The following ACTN4 variants were observed in gnomAD, a reference collection of about 807,000 sequenced individuals.
The protein encoded by ACTN4 is alpha-actinin-4.
ACTN4 carries 18 observed loss-of-function variants against 114.2 expected under a neutral mutation model. The ratio of observed to expected loss-of-function variants is 0.16; its 90% CI spans 0.11 to 0.23. The LOEUF (loss-of-function observed/expected upper bound fraction) is 0.23. Ranked by LOEUF, ACTN4 falls within the 10% of genes least tolerant of loss-of-function variation. The probability of loss-of-function intolerance (pLI) is 1.00; values close to 1 mark genes in which losing one functional copy is unlikely to be tolerated. For synonymous variants in ACTN4, 515 were observed against 506.3 expected (o/e 1.02, Z -0.23); for missense variants, 722 against 1,262.9 (o/e 0.57, Z 6.49).
chr19:38,649,012 G>A (rs923053726), intron 1 of ACTN4, among the ~76,000 whole-genome samples: 1 of 151,820 alleles, frequency 6.6e-6, no homozygotes, highest in African/African-American at 2.4e-5. Flanking sequence ...GCTGGCTCCT[G>A]GAGGTGCAGT....
In ACTN4 at chr19:38,717,543, C is replaced by T. The variant is rs1477623563; in HGVS notation, c.1143+227C>T. Among the ~76,000 whole-genome samples, 1 of 152,168 alleles carries T rather than the reference C, an allele frequency of 6.6e-6. No individual in the cohort carries two copies. The highest frequency in any genetic ancestry group is 1.5e-5 in the Non-Finnish European group (1 of 68,036). ...TACACCCAGGGTTTTATACGCATCC[C>T]AAATCCTTGCCACGGGTTGTGTGGG... On this transcript the variant is annotated intron_variant, in intron 10 of 20. Coordinates refer to ENST00000252699, the MANE Select transcript of ACTN4 (RefSeq NM_004924.6). This position sits in a 1 kb window ranked among gnomAD's most constrained non-coding sequence, Gnocchi z 4.0.
intron 12 of ACTN4, among the ~76,000 whole-genome samples, chr19:38,722,765 T>C (rs1018704693): frequency 1.3e-5 from 2 of 152,134 alleles, no homozygotes; most frequent in Admixed American, 6.5e-5. Context: ...TGGAAGCTGG[T>C]AGGAAACAGA....
chr19:38,712,679 G>A (rs1968697586), intron 8 of ACTN4, among the ~76,000 whole-genome samples: 1 of 152,108 alleles, frequency 6.6e-6, no homozygotes, highest in South Asian at 2.1e-4. Context: ...GGGAGGGTGG[G>A]CAGGGACCAG....
chr19:38,701,794 C>T (rs905909785), intron 3 of ACTN4, among the ~76,000 whole-genome samples: 3 of 152,274 alleles, frequency 2.0e-5, no homozygotes, highest in Admixed American at 2.0e-4. Flanking sequence ...GGAGCCCCAG[C>T]AGCATGAGCT....
At chr19:38,710,059 G>T (rs574704708) in intron 7 of ACTN4, among the ~76,000 whole-genome samples, 198 bp from the exon 8 acceptor site, 1 of 152,030 alleles carries the variant, frequency 6.6e-6, no homozygotes, top group Admixed American at 6.5e-5. Flanking sequence ...ATTTTAATCC[G>T]CTTCCCACAG....
chr19:38,724,454 G>T lies in ACTN4; in HGVS notation c.1899G>T (p.Arg633=), dbSNP rs1870697755. The change falls in exon 16 of 21, where the codon CGG becomes CGT. Residue 633 remains arginine, a synonymous_variant. Coordinates refer to ENST00000252699, the MANE Select transcript of ACTN4 (RefSeq NM_004924.6). This position sits in a 1 kb window ranked among gnomAD's most constrained non-coding sequence, Gnocchi z 7.0. ...WEKVQQLVPK[R]DHALLEEQSK... is the part of the protein sequence containing the mutation. Reference sequence around the variant, plus strand: ...AGGTGCAGCAGCTGGTGCCAAAACGGGACCATGCCCTCCTGGAGGAGCAGA... The same window carrying T: ...AGGTGCAGCAGCTGGTGCCAAAACGTGACCATGCCCTCCTGGAGGAGCAGA... The T allele has an allele frequency of 6.2e-7, 1 of 1,613,430 alleles. No homozygotes were observed. The highest frequency in any genetic ancestry group is 1.1e-5 in the South Asian group (1 of 91,090).
At chr19:38,718,857 T>A (rs1461534487) in intron 11 of ACTN4, among the ~76,000 whole-genome samples, 1 of 152,210 alleles carries the variant, frequency 6.6e-6, no homozygotes, top group Non-Finnish European at 1.5e-5. Context: ...GGAGCCCATG[T>A]TCACTGGCAC....
intron 1 of ACTN4, among the ~76,000 whole-genome samples, chr19:38,671,589 G>T (rs1195874261): frequency 6.6e-6 from 1 of 152,194 alleles, no homozygotes; most frequent in Non-Finnish European, 1.5e-5. Flanking sequence ...GTTTCTTATT[G>T]ATAGGAGAGT....
At chr19:38,698,044 A>T (rs1056294853) in intron 1 of ACTN4, among the ~76,000 whole-genome samples, 3 of 151,868 alleles carry the variant, frequency 2.0e-5, no homozygotes, top group Non-Finnish European at 4.4e-5. Context: ...ATCCAATAAG[A>T]CTAAAAGTGA....
At chr19:38,707,711 G>A (rs1211182520) in intron 5 of ACTN4, among the ~76,000 whole-genome samples, 2 of 152,198 alleles carry the variant, frequency 1.3e-5, no homozygotes, top group South Asian at 2.1e-4. Context: ...CACCTCCCCC[G>A]AAGCGGCCTG....
chr19:38,690,291 C>T (rs1015355172), intron 1 of ACTN4, among the ~76,000 whole-genome samples: 2 of 152,262 alleles, frequency 1.3e-5, no homozygotes, highest in Non-Finnish European at 2.9e-5. Context: ...TCACCGCCAT[C>T]ACAGACCCAC....
intron 1 of ACTN4, among the ~76,000 whole-genome samples, chr19:38,683,695 T>C (rs186696952): frequency 9.8e-5 from 15 of 152,358 alleles, no homozygotes; most frequent in African/African-American, 3.1e-4. Flanking sequence ...CGATTTGGTA[T>C]GGGGTCAGTT....
rs141704843 is a variant in ACTN4, at chr19:38,701,382, G to A, written c.397+261G>A. 4.6e-3 allele frequency among the ~76,000 whole-genome samples: 699 copies of A among 152,260 alleles called. 17 individuals are homozygous for A. The highest frequency in any genetic ancestry group is 0.036 in the Admixed American group (551 of 15,296). ...CAACCCACCCAACCACGGGGGCGAC[G>A]GCTTCTGCAGGGGGAGGAATGGTTT... On this transcript the variant is annotated intron_variant, in intron 3 of 20. Transcript: ENST00000252699.
rs552989041 is a variant in ACTN4 at position 38,709,922 on chromosome 19, A to G, written c.734-335A>G. On this transcript the variant is annotated intron_variant, in intron 7 of 20. Transcript: ENST00000252699. Reference sequence around the variant, plus strand: ...TCCGGCTTTGCTCCATTTCCCAGCCATGCACTGCCCCATTTCCTAGCCATG... The same window carrying G: ...TCCGGCTTTGCTCCATTTCCCAGCCGTGCACTGCCCCATTTCCTAGCCATG... 1.1e-4 allele frequency among the ~76,000 whole-genome samples: 17 copies of G among 152,220 alleles called. 1 individual carries two copies. The East Asian group carries it at 3.3e-3, about 29-fold the overall frequency.
At chr19:38,686,056 C>G (rs1599797472) in intron 1 of ACTN4, among the ~76,000 whole-genome samples, 1 of 152,188 alleles carries the variant, frequency 6.6e-6, no homozygotes, top group Admixed American at 6.5e-5. Flanking sequence ...ACACCCCTTT[C>G]CTGTGGCAGT....
At chr19:38,722,659 C>T (rs578132049) in intron 12 of ACTN4, among the ~76,000 whole-genome samples, 2 of 152,336 alleles carry the variant, frequency 1.3e-5, no homozygotes, top group South Asian at 4.1e-4. Context: ...CCTGCCACCA[C>T]CACGTCCAGG....
At position 38,685,263 on chromosome 19, in the gene ACTN4, C is replaced by A. The variant is rs1055301787; in HGVS notation, c.163-15337C>A. On this transcript the variant is annotated intron_variant, in intron 1 of 20. Transcript: ENST00000252699. Reference sequence around the variant, plus strand: ...TTGGCCAACCCACCCAAATTGTGTACCCTACACCATCCTAGTGCTTGGGAG... The same window carrying A: ...TTGGCCAACCCACCCAAATTGTGTAACCTACACCATCCTAGTGCTTGGGAG... Among the ~76,000 whole-genome samples, 6 of 152,274 alleles carry A rather than the reference C, an allele frequency of 3.9e-5. No individual in the cohort carries two copies. The East Asian group carries it at 7.7e-4, about 20-fold the overall frequency.
intron 1 of ACTN4, 68 bp from the exon 2 acceptor site, chr19:38,700,532 C>T: frequency 7.5e-7 from 1 of 1,331,282 alleles, no homozygotes; most frequent in East Asian, 2.3e-5. Flanking sequence ...TGCGGCCCTG[C>T]AGGTGTGTGG....
At position 38,717,858 on chromosome 19, in the gene ACTN4, C is replaced by T. The variant is rs1301498707; in HGVS notation, c.1144-69C>T. On this transcript the variant is annotated intron_variant, in intron 10 of 20. Coordinates refer to ENST00000252699, the MANE Select transcript of ACTN4 (RefSeq NM_004924.6). The surrounding 1 kb of genome is among the most constrained non-coding windows in gnomAD (Gnocchi z 4.0). The stretch of plus-strand genomic sequence containing the variant: ...GTTCTGCCACCTTCCCATCAGCATC[C>T]CTTGGAGACATCCCCCTGGGTGCCT... 17 of 1,546,344 alleles carry T rather than the reference C, an allele frequency of 1.1e-5. No individual in the cohort carries two copies. The highest frequency in any genetic ancestry group is 2.7e-5 in the African/African-American group (2 of 73,014).
Sources: allele counts gnomAD v4.1 joint callset (sites outside exome capture counted in the v4.1 genomes callset), GRCh38; gene constraint gnomAD v4.1.1; non-coding constraint Gnocchi (gnomAD v3.1); transcripts MANE v1.5; gene names NCBI Gene and HGNC (gene_info 2026-07-23, HGNC 2026-07-21).